Variants in C8orf34 observed in about 807,000 individuals in gnomAD.
C8orf34 encodes the protein uncharacterized protein C8orf34.
In C8orf34, 65 loss-of-function variants were observed where a neutral mutation model predicts 68.3. The observed-to-expected ratio is 0.95, with a 90% confidence interval of 0.78 to 1.17. The LOEUF (loss-of-function observed/expected upper bound fraction) is 1.17. Ranked by LOEUF, C8orf34 falls within the 50% of genes most tolerant of loss-of-function variation. C8orf34 has a pLI of 0.00. For synonymous variants in C8orf34, 244 were observed against 241.2 expected (o/e 1.01, Z -0.11); for missense variants, 664 against 655.4 (o/e 1.01, Z -0.14).
At chr8:68,538,710 A>G (rs1815585304) in intron 7 of C8orf34, among the ~76,000 whole-genome samples, 1 of 152,158 alleles carries the variant, frequency 6.6e-6, no homozygotes, top group Admixed American at 6.5e-5. Context: ...GTAAAGCTAT[A>G]TGTTTTTGCA....
At chr8:68,403,665 G>A (rs1464973772) in intron 1 of C8orf34, among the ~76,000 whole-genome samples, 1 of 152,092 alleles carries the variant, frequency 6.6e-6, no homozygotes, top group East Asian at 1.9e-4. Context: ...TTAGTTTGCT[G>A]AGAATGATGG....
intron 4 of C8orf34, among the ~76,000 whole-genome samples, chr8:68,484,080 T>C (rs759816442): frequency 3.3e-5 from 5 of 152,198 alleles, no homozygotes; most frequent in Non-Finnish European, 5.9e-5. Flanking sequence ...GCATCTGCCT[T>C]TGGGGAGGCC....
At chr8:68,383,080 T>C (rs186291478) in intron 1 of C8orf34, among the ~76,000 whole-genome samples, 5 of 152,256 alleles carry the variant, frequency 3.3e-5, no homozygotes, top group Admixed American at 3.3e-4. Flanking sequence ...TTAAAGATAA[T>C]GTCAGACCAA....
At chr8:68,555,371 G>A (rs958356085) in intron 7 of C8orf34, among the ~76,000 whole-genome samples, 1 of 152,108 alleles carries the variant, frequency 6.6e-6, no homozygotes, top group African/African-American at 2.4e-5. Flanking sequence ...CATTTTATGA[G>A]TGTTGGCTAT....
At chr8:68,368,994 T>C (rs1177642396) in intron 1 of C8orf34, among the ~76,000 whole-genome samples, 1 of 152,198 alleles carries the variant, frequency 6.6e-6, no homozygotes, top group Admixed American at 6.5e-5. Context: ...TATCTTCACC[T>C]TTCTCCTGGA....
intron 12 of C8orf34, chr8:68,791,570 A>C (rs1434885006): frequency 6.6e-6 from 1 of 152,252 alleles, no homozygotes; most frequent in Non-Finnish European, 1.5e-5. Context: ...AAATAAGCTA[A>C]AAACACACAA....
chr8:68,781,494 T>C (rs1227830881), intron 11 of C8orf34, among the ~76,000 whole-genome samples: 1 of 152,214 alleles, frequency 6.6e-6, no homozygotes, highest in Non-Finnish European at 1.5e-5. Flanking sequence ...TGAAAAAGTT[T>C]GTACTACACT....
chr8:68,669,072 A>C (rs1017308754), intron 8 of C8orf34, among the ~76,000 whole-genome samples: 6 of 152,204 alleles, frequency 3.9e-5, no homozygotes, highest in African/African-American at 1.4e-4. Context: ...AGTGTTTTTT[A>C]AGCCATTAAA....
In C8orf34 at chr8:68,492,613, A is replaced by C. The variant is rs1813362475; in HGVS notation, c.765+4562A>C. Among the ~76,000 whole-genome samples the C allele has an allele frequency of 1.3e-5, 2 of 151,914 alleles. 1 individual carries two copies. The highest frequency in any genetic ancestry group is 4.8e-5 in the African/African-American group (2 of 41,350). ...CTTGATTTCCTTCTTTTTTCCATCC[A>C]AACTGTATTGCACTCCACAAGAAAT... On this transcript the variant is annotated intron_variant, in intron 5 of 13. Coordinates refer to ENST00000518698, the MANE Select transcript of C8orf34 (RefSeq NM_052958.4).
At chr8:68,383,619 G>T (rs1254100563) in intron 1 of C8orf34, among the ~76,000 whole-genome samples, 1 of 152,180 alleles carries the variant, frequency 6.6e-6, no homozygotes, top group Non-Finnish European at 1.5e-5. Context: ...AAGCTTCTAA[G>T]TTATCACATC....
chr8:68,756,100 A>T (rs1822853377), intron 10 of C8orf34, among the ~76,000 whole-genome samples: 1 of 134,340 alleles, frequency 7.4e-6, no homozygotes, highest in African/African-American at 3.3e-5. Context: ...AAAAAAAACC[A>T]GAGTGACTCC....
chr8:68,680,546 A>C (rs1226933268), intron 8 of C8orf34, among the ~76,000 whole-genome samples: 1 of 152,146 alleles, frequency 6.6e-6, no homozygotes, highest in Non-Finnish European at 1.5e-5. Context: ...GGGGTGTAAA[A>C]CAGGGAGTAG....
intron 1 of C8orf34, among the ~76,000 whole-genome samples, chr8:68,333,864 G>A (rs1805735781): frequency 6.6e-6 from 1 of 152,206 alleles, no homozygotes; most frequent in African/African-American, 2.4e-5. Flanking sequence ...TTGAGTCAGT[G>A]TAGCTGACAC....
At chr8:68,632,514 G>A (rs534863336) in intron 7 of C8orf34, among the ~76,000 whole-genome samples, 1 of 152,276 alleles carries the variant, frequency 6.6e-6, no homozygotes, top group African/African-American at 2.4e-5. Context: ...ATAAATTCAA[G>A]CTGGCTGCAG....
At chr8:68,433,768 G>A (rs1810544099) in intron 1 of C8orf34, among the ~76,000 whole-genome samples, 1 of 152,118 alleles carries the variant, frequency 6.6e-6, no homozygotes, top group African/African-American at 2.4e-5. Context: ...CAAATGAAAT[G>A]GATCTTTTAC....
intron 7 of C8orf34, among the ~76,000 whole-genome samples, chr8:68,561,340 G>T (rs775529914): frequency 2.0e-5 from 3 of 150,068 alleles, no homozygotes; most frequent in East Asian, 1.9e-4. Flanking sequence ...AACTTAAAAC[G>T]CAAACACATT....
At chr8:68,511,145 C>T (rs1814255292) in intron 5 of C8orf34, among the ~76,000 whole-genome samples, 1 of 152,186 alleles carries the variant, frequency 6.6e-6, no homozygotes, top group Admixed American at 6.5e-5. Context: ...AACTATATTG[C>T]TGTTATAAAT....
chr8:68,516,490 A>G (rs1814519709), intron 5 of C8orf34, among the ~76,000 whole-genome samples: 1 of 152,168 alleles, frequency 6.6e-6, no homozygotes, highest in Non-Finnish European at 1.5e-5. Context: ...TCTTGGAATA[A>G]CCACTGAAAG....
chr8:68,533,593 C>A, intron 7 of C8orf34: 1 of 985,518 alleles, frequency 1.0e-6, no homozygotes, highest in Non-Finnish European at 1.2e-6. Flanking sequence ...TTGAAAGGGG[C>A]AGATAGTAAA....
Sources: gnomAD v4.1 joint callset for allele counts (sites outside exome capture counted in the v4.1 genomes callset) on GRCh38, gnomAD v4.1.1 for gene constraint, MANE v1.5 for transcripts, NCBI Gene and HGNC (gene_info 2026-07-23, HGNC 2026-07-21) for gene names.